The following SLC35F1 variants were observed in gnomAD, a reference collection of about 807,000 sequenced individuals.
SLC35F1 encodes solute carrier family 35 member F1.
Under a neutral mutation model 48.7 loss-of-function variants are expected in SLC35F1, and 14 were observed. That is an observed-to-expected ratio of 0.29 (90% confidence interval 0.19 to 0.45). SLC35F1 has a LOEUF of 0.45. Among genes scored for constraint, SLC35F1 ranks in the 20% least tolerant of loss-of-function variants. The pLI, the probability that SLC35F1 is intolerant of heterozygous loss-of-function variation, is 1.00. For missense variants in SLC35F1, 404 were observed against 500.0 expected (o/e 0.81, Z 1.83); for synonymous variants, 190 against 202.2 (o/e 0.94, Z 0.51).
chr6:118,232,126 A>G lies in SLC35F1; in HGVS notation c.350-3383A>G, dbSNP rs191513841. On this transcript the variant is annotated intron_variant, in intron 2 of 7. Coordinates refer to ENST00000360388, the MANE Select transcript of SLC35F1 (RefSeq NM_001029858.4). Reference sequence around the variant, plus strand: ...TTATGTTATTTATTGACTGCCTGACATGCACTGTGGGATCTGGGAATAAAG... The same window carrying G: ...TTATGTTATTTATTGACTGCCTGACGTGCACTGTGGGATCTGGGAATAAAG... Among the ~76,000 whole-genome samples, 452 of 152,362 alleles carry G rather than the reference A, an allele frequency of 3.0e-3. 3 individuals are homozygous for G. The highest frequency in any genetic ancestry group is 0.01 in the African/African-American group (435 of 41,570).
chr6:118,290,857 C>T (rs1398121527), intron 7 of SLC35F1, among the ~76,000 whole-genome samples: 4 of 151,002 alleles, frequency 2.6e-5, no homozygotes, highest in East Asian at 2.0e-4. Flanking sequence ...TACAGTGGTG[C>T]GATCTCGGTT....
intron 1 of SLC35F1, among the ~76,000 whole-genome samples, chr6:118,145,317 C>T (rs978204131): frequency 6.6e-6 from 1 of 152,172 alleles, no homozygotes; most frequent in Admixed American, 6.5e-5. Flanking sequence ...CCAGAAGGGG[C>T]TTTTCCTAAC....
chr6:117,972,498 T>C (rs1776654544), intron 1 of SLC35F1, among the ~76,000 whole-genome samples: 1 of 152,134 alleles, frequency 6.6e-6, no homozygotes, highest in Admixed American at 6.5e-5. Context: ...AATAAAGACA[T>C]ACCTAAGACT....
chr6:118,275,437 T>C, intron 4 of SLC35F1, 22 bp from the exon 5 acceptor site: 1 of 1,597,444 alleles, frequency 6.3e-7, no homozygotes. Context: ...TCCCTCTGTT[T>C]GTTTGTTTGG....
chr6:118,142,260 ATAAATT>A (rs958766120), intron 1 of SLC35F1, among the ~76,000 whole-genome samples: 28 of 152,268 alleles, frequency 1.8e-4, no homozygotes, highest in African/African-American at 6.7e-4. Flanking sequence ...CTTTTTTAAA[ATAAATT>A]TAATGTATAT....
intron 6 of SLC35F1, among the ~76,000 whole-genome samples, chr6:118,283,736 T>C (rs1776013531): frequency 6.6e-6 from 1 of 152,226 alleles, no homozygotes; most frequent in African/African-American, 2.4e-5. Context: ...TGTCTTTTCA[T>C]GTATTAGTCA....
intron 3 of SLC35F1, among the ~76,000 whole-genome samples, chr6:118,244,104 TA>T (rs1247714262): frequency 6.6e-6 from 1 of 152,228 alleles, no homozygotes; most frequent in African/African-American, 2.4e-5. Context: ...ATATGGGGCA[TA>T]AACACCTGCA....
chr6:118,136,658 T>C (rs1773801888), intron 1 of SLC35F1, among the ~76,000 whole-genome samples: 1 of 152,204 alleles, frequency 6.6e-6, no homozygotes, highest in Admixed American at 6.5e-5. Flanking sequence ...GCATATACTT[T>C]TAATAAACTT....
intron 3 of SLC35F1, among the ~76,000 whole-genome samples, chr6:118,252,368 G>A (rs1008374188): frequency 4.6e-5 from 7 of 152,094 alleles, no homozygotes; most frequent in African/African-American, 1.7e-4. Flanking sequence ...CATTCATAGA[G>A]GGGATAGGGG....
chr6:118,002,775 C>T (rs1314249577), intron 1 of SLC35F1, among the ~76,000 whole-genome samples: 1 of 151,048 alleles, frequency 6.6e-6, no homozygotes, highest in Non-Finnish European at 1.5e-5. Context: ...AATTTCTAAC[C>T]TGTCTGGAAG....
chr6:117,914,541 C>T (rs551908273), intron 1 of SLC35F1, among the ~76,000 whole-genome samples: 1 of 152,122 alleles, frequency 6.6e-6, no homozygotes, highest in South Asian at 2.1e-4. Flanking sequence ...GAATTTTATT[C>T]AATGAGTGTT....
chr6:118,178,550 A>T (rs1178454477), intron 2 of SLC35F1, among the ~76,000 whole-genome samples: 1 of 152,112 alleles, frequency 6.6e-6, no homozygotes, highest in Non-Finnish European at 1.5e-5. Flanking sequence ...AATCACAAAT[A>T]GCTCAAGAAG....
intron 1 of SLC35F1, among the ~76,000 whole-genome samples, chr6:117,982,166 CCTTT>C (rs1776789349): frequency 1.3e-5 from 2 of 152,196 alleles, no homozygotes; most frequent in African/African-American, 2.4e-5. Flanking sequence ...AATAAATTAG[CCTTT>C]CTTTATTTCT....
intron 1 of SLC35F1, among the ~76,000 whole-genome samples, chr6:118,080,596 C>T (rs529387206): frequency 1.1e-3 from 165 of 152,314 alleles, no homozygotes; most frequent in African/African-American, 3.9e-3. Context: ...TTTCTGATGG[C>T]TTTGCTGTGA....
At chr6:118,206,335 T>C (rs886669599) in intron 2 of SLC35F1, among the ~76,000 whole-genome samples, 47 of 152,294 alleles carry the variant, frequency 3.1e-4, no homozygotes, top group African/African-American at 1.1e-3. Flanking sequence ...AGAAAAATTG[T>C]TCACAGGGGG....
chr6:118,307,563 C>G (rs1042916444), intron 7 of SLC35F1, among the ~76,000 whole-genome samples: 1 of 152,166 alleles, frequency 6.6e-6, no homozygotes, highest in African/African-American at 2.4e-5. Context: ...CTGGTCTCTT[C>G]TGGCAATTTA....
At chr6:118,058,271 C>T (rs1033213325) in intron 1 of SLC35F1, among the ~76,000 whole-genome samples, 7 of 152,030 alleles carry the variant, frequency 4.6e-5, no homozygotes, top group Non-Finnish European at 1.0e-4. Context: ...CTCTTTCCTC[C>T]AGTAACTCAG....
chr6:118,103,502 C>A (rs745881976), intron 1 of SLC35F1, among the ~76,000 whole-genome samples: 14 of 152,190 alleles, frequency 9.2e-5, no homozygotes, highest in Non-Finnish European at 1.8e-4. Context: ...ACTGGATGTG[C>A]CCACCTGGGC....
At chr6:117,930,415 G>C (rs1776085269) in intron 1 of SLC35F1, among the ~76,000 whole-genome samples, 1 of 152,122 alleles carries the variant, frequency 6.6e-6, no homozygotes, top group Non-Finnish European at 1.5e-5. Flanking sequence ...CAGCATTATA[G>C]CTGAATTCAT....
Sources: gnomAD v4.1 joint callset for allele counts (sites outside exome capture counted in the v4.1 genomes callset) on GRCh38, gnomAD v4.1.1 for gene constraint, MANE v1.5 for transcripts, NCBI Gene and HGNC (gene_info 2026-07-23, HGNC 2026-07-21) for gene names.